The following NRG3 variants were observed in gnomAD, a reference collection of about 807,000 sequenced individuals.
NRG3 encodes the protein neuregulin 3.
A neutral mutation model predicts 66.9 loss-of-function variants in NRG3; 31 were observed. The ratio of observed to expected loss-of-function variants is 0.46; its 90% CI spans 0.35 to 0.63. The LOEUF is 0.63. Among genes scored for constraint, NRG3 ranks in the 20% least tolerant of loss-of-function variants. NRG3 has a pLI of 0.00. For missense variants in NRG3, 910 were observed against 878.9 expected, an observed-to-expected ratio of 1.04 and a Z score of -0.45; for synonymous variants, 393 against 359.4, an observed-to-expected ratio of 1.09 and a Z score of -1.06.
intron 1 of NRG3, among the ~76,000 whole-genome samples, chr10:81,899,118 G>A (rs558225220): frequency 6.6e-6 from 1 of 152,230 alleles, no homozygotes; most frequent in Non-Finnish European, 1.5e-5. Context: ...CTTAATTTTA[G>A]ATGAGTTTAG....
At chr10:82,044,767 C>T (rs2063199309) in intron 1 of NRG3, among the ~76,000 whole-genome samples, 1 of 152,024 alleles carries the variant, frequency 6.6e-6, no homozygotes. Context: ...CTTCCTGTGT[C>T]CATGTGTTCT....
chr10:81,905,657 G>T (rs1036817040), intron 1 of NRG3, among the ~76,000 whole-genome samples: 1 of 152,152 alleles, frequency 6.6e-6, no homozygotes, highest in Non-Finnish European at 1.5e-5. Context: ...GGAAGTTAAG[G>T]CCGTTTCCTA....
At chr10:82,724,571 C>A (rs965308092) in intron 2 of NRG3, among the ~76,000 whole-genome samples, 1 of 152,156 alleles carries the variant, frequency 6.6e-6, no homozygotes, top group African/African-American at 2.4e-5. Context: ...AATCATGTTT[C>A]ATGTAGAACC....
chr10:82,782,276 C>G (rs2135285786), intron 3 of NRG3, among the ~76,000 whole-genome samples: 1 of 152,172 alleles, frequency 6.6e-6, no homozygotes, highest in South Asian at 2.1e-4. Flanking sequence ...GATTGGGATC[C>G]TAATAAAAGG....
intron 8 of NRG3, among the ~76,000 whole-genome samples, chr10:82,980,220 A>AAAT (rs1207478739): frequency 6.6e-6 from 1 of 152,064 alleles, no homozygotes; most frequent in Non-Finnish European, 1.5e-5. Context: ...AGAAAAAAAA[A>AAAT]AATACAAATA....
rs565734964 is a variant in NRG3 at position 82,392,896 on chromosome 10, A to ATTTT, written c.953+34029_953+34030insTTTT. ...GGTGAGGTCATATATATATATATAT[A>ATTTT]TATTTTTTGCAGGCTTCATATGATT... On this transcript the variant is annotated intron_variant, in intron 2 of 8. Coordinates refer to ENST00000372141, the MANE Select transcript of NRG3 (RefSeq NM_001010848.4). Among the ~76,000 whole-genome samples, 393 of 149,848 alleles carry ATTTT rather than the reference A, an allele frequency of 2.6e-3. 1 individual carries two copies. The highest frequency in any genetic ancestry group is 6.6e-3 in the African/African-American group (265 of 40,140).
At position 81,875,763 on chromosome 10, in the gene NRG3, C is replaced by T. The variant is rs762036310; in HGVS notation, c.423C>T (p.Ser141=). The part of the protein sequence containing the change: ...TTSTTSPATP[S]AGGAASSRTP... ...CCACCACGTCCCCCGCCACCCCCTC[C>T]GCCGGGGGTGCCGCCTCCTCCAGGA... The change falls in exon 1 of 9, where the codon TCC becomes TCT. Residue 141 remains serine (S), a synonymous_variant. Transcript: ENST00000372141. The surrounding 1 kb of genome is among the most constrained non-coding windows in gnomAD (Gnocchi z 5.3). 1 of 1,612,240 alleles carries T rather than the reference C, an allele frequency of 6.2e-7. No homozygotes were observed. Among genetic ancestry groups the T allele is most frequent in the East Asian group, 2.2e-5 (1 of 44,836 alleles).
rs144743020 is a variant in NRG3, at chr10:82,621,640, G to A, written c.954-116937G>A. Reference sequence around the variant, plus strand: ...TTTAACTTGAAATAGTTTAGACTGGGGGGAGATAGTAAAAATATCATTTCA... The same window carrying A: ...TTTAACTTGAAATAGTTTAGACTGGAGGGAGATAGTAAAAATATCATTTCA... On this transcript the variant is annotated intron_variant, in intron 2 of 8. Coordinates refer to ENST00000372141, the MANE Select transcript of NRG3 (RefSeq NM_001010848.4). 5.4e-3 allele frequency among the ~76,000 whole-genome samples: 817 copies of A among 152,298 alleles called. 26 individuals are homozygous for A. The highest frequency in any genetic ancestry group is 0.046 in the Admixed American group (702 of 15,298).
At chr10:82,732,663 A>G (rs1286419108) in intron 2 of NRG3, among the ~76,000 whole-genome samples, 3 of 152,158 alleles carry the variant, frequency 2.0e-5, no homozygotes, top group Non-Finnish European at 4.4e-5. Context: ...ATCATGCACC[A>G]CAGGTATTGT....
At chr10:82,865,013 G>T (rs1042590930) in intron 3 of NRG3, among the ~76,000 whole-genome samples, 1 of 152,052 alleles carries the variant, frequency 6.6e-6, no homozygotes, top group African/African-American at 2.4e-5. Flanking sequence ...TATTATAGAG[G>T]TTCAAATAAA....
intron 2 of NRG3, among the ~76,000 whole-genome samples, chr10:82,694,213 C>G (rs1444986390): frequency 6.6e-6 from 1 of 152,142 alleles, no homozygotes; most frequent in East Asian, 1.9e-4. Context: ...AATCCTTTAG[C>G]TAGACACAGA....
intron 2 of NRG3, among the ~76,000 whole-genome samples, chr10:82,579,872 TG>T (rs1025489113): frequency 6.6e-6 from 1 of 151,948 alleles, no homozygotes; most frequent in Non-Finnish European, 1.5e-5. Flanking sequence ...GTCAAAATTT[TG>T]GGTCAAGCTG....
At chr10:82,429,972 C>CT (rs2089689650) in intron 2 of NRG3, among the ~76,000 whole-genome samples, 4 of 152,028 alleles carry the variant, frequency 2.6e-5, no homozygotes, top group South Asian at 2.1e-4. Flanking sequence ...CAATTTAGTA[C>CT]TTTTTTTGTT....
intron 8 of NRG3, among the ~76,000 whole-genome samples, chr10:82,981,104 A>G (rs952184775): frequency 4.3e-4 from 65 of 152,158 alleles, no homozygotes; most frequent in African/African-American, 1.5e-3. Flanking sequence ...ATGTTCGATT[A>G]GTAAGGGTGC....
chr10:81,915,040 C>T (rs959995625), intron 1 of NRG3, among the ~76,000 whole-genome samples: 3 of 152,136 alleles, frequency 2.0e-5, no homozygotes, highest in Non-Finnish European at 4.4e-5. Flanking sequence ...TATCAAAGAT[C>T]ACGTGGAGAA....
chr10:82,941,570 G>A (rs1848577976), intron 4 of NRG3, among the ~76,000 whole-genome samples: 1 of 152,132 alleles, frequency 6.6e-6, no homozygotes. Flanking sequence ...ATTAATGCTG[G>A]ATTAAATGCA....
chr10:82,784,500 A>G (rs1348172969), intron 3 of NRG3, among the ~76,000 whole-genome samples: 1 of 152,206 alleles, frequency 6.6e-6, no homozygotes, highest in Non-Finnish European at 1.5e-5. Context: ...ATGAACTCAA[A>G]TTTACAAGAA....
At chr10:82,984,990 G>T in intron 8 of NRG3, 108 bp from the exon 9 acceptor site, 1 of 1,385,372 alleles carries the variant, frequency 7.2e-7, no homozygotes. Context: ...TGGGGTTGCT[G>T]TGAGAATTCA....
At chr10:82,350,367 A>G (rs1029815078) in intron 1 of NRG3, among the ~76,000 whole-genome samples, 27 of 152,218 alleles carry the variant, frequency 1.8e-4, no homozygotes, top group African/African-American at 4.8e-5. Flanking sequence ...TTTGTAATAA[A>G]TTATGGTGAT....
Sources: allele counts gnomAD v4.1 joint callset (sites outside exome capture counted in the v4.1 genomes callset), GRCh38; gene constraint gnomAD v4.1.1; non-coding constraint Gnocchi (gnomAD v3.1); transcripts MANE v1.5; gene names NCBI Gene and HGNC (gene_info 2026-07-23, HGNC 2026-07-21).